LHX8: variants seen among roughly 807,000 people sequenced by gnomAD.
The protein encoded by LHX8 is LIM homeobox 8, also known as LIM/homeobox protein Lhx8.
LHX8 carries 12 observed loss-of-function variants against 40.3 expected under a neutral mutation model. The observed-to-expected ratio is 0.30, with a 90% CI of 0.19 to 0.48. The LOEUF (loss-of-function observed/expected upper bound fraction) is 0.48. Ranked by LOEUF, LHX8 falls within the 20% of genes least tolerant of loss-of-function variation. The pLI is 0.99. For synonymous variants in LHX8, 179 were observed against 162.0 expected, an observed-to-expected ratio of 1.10 and a Z score of -0.80; for missense variants, 344 against 433.7, an observed-to-expected ratio of 0.79 and a Z score of 1.84.
the LHX8 span, among the ~76,000 whole-genome samples, chr1:75,184,544 C>A: frequency 6.6e-6 from 1 of 152,026 alleles, no homozygotes; most frequent in African/African-American, 2.4e-5. Flanking sequence ...GAAATTAAGG[C>A]AGAAATCAAG....
downstream of LHX8, among the ~76,000 whole-genome samples, chr1:75,163,218 A>G (rs1463770909): frequency 6.6e-6 from 1 of 152,192 alleles, no homozygotes; most frequent in African/African-American, 2.4e-5. Flanking sequence ...TGAATATCCC[A>G]TAATAAACAT....
chr1:75,156,463 A>T (rs1648771004), intron 7 of LHX8, among the ~76,000 whole-genome samples: 1 of 152,026 alleles, frequency 6.6e-6, no homozygotes, highest in South Asian at 2.1e-4. Context: ...GCTGGTATTG[A>T]ACCCCTCACC....
At chr1:75,189,245 G>A in the LHX8 span, among the ~76,000 whole-genome samples, 8 of 152,142 alleles carry the variant, frequency 5.3e-5, no homozygotes, top group Non-Finnish European at 1.0e-4. Context: ...TGGGATAAAG[G>A]AAAATAAGAT....
chr1:75,136,228 TAGC>T (rs928218133), intron 1 of LHX8, among the ~76,000 whole-genome samples: 1 of 151,810 alleles, frequency 6.6e-6, no homozygotes, highest in African/African-American at 2.4e-5. Context: ...GCACCCCCTT[TAGC>T]CCGGTGTTCC....
the LHX8 span, among the ~76,000 whole-genome samples, chr1:75,194,107 CAA>C: frequency 2.6e-5 from 4 of 152,250 alleles, no homozygotes; most frequent in South Asian, 8.3e-4. Flanking sequence ...AAATATGAAA[CAA>C]ATAAAAAACA....
chr1:75,155,230 CTTTT>C (rs57009636), intron 7 of LHX8, among the ~76,000 whole-genome samples: 4 of 94,372 alleles, frequency 4.2e-5, no homozygotes, highest in East Asian at 7.5e-4. Context: ...GAAACACTCT[CTTTT>C]TTTTTTTTTT....
intron 7 of LHX8, among the ~76,000 whole-genome samples, chr1:75,152,826 ATAGT>A (rs1274672700): frequency 2.6e-5 from 4 of 152,198 alleles, no homozygotes; most frequent in African/African-American, 9.7e-5. Context: ...TTACAATTTA[ATAGT>A]TAGAAAAGAA....
upstream of LHX8, among the ~76,000 whole-genome samples, chr1:75,134,258 T>C (rs372190677): frequency 2.0e-3 from 304 of 152,146 alleles, no homozygotes; most frequent in African/African-American, 6.8e-3. Context: ...CGGGTTTTCC[T>C]GAAAGAGGCG....
At chr1:75,198,442 G>T in the LHX8 span, among the ~76,000 whole-genome samples, 1 of 152,162 alleles carries the variant, frequency 6.6e-6, no homozygotes, top group Non-Finnish European at 1.5e-5. Flanking sequence ...CTCAATAATG[G>T]ATATGATGCT....
downstream of LHX8, among the ~76,000 whole-genome samples, chr1:75,163,331 T>C (rs1210922398): frequency 6.6e-6 from 1 of 152,200 alleles, no homozygotes; most frequent in Non-Finnish European, 1.5e-5. Flanking sequence ...GTATAATTAC[T>C]CTACTAGCAT....
chr1:75,173,571 A>G, the LHX8 span, among the ~76,000 whole-genome samples: 17,346 of 151,020 alleles, frequency 0.11, 1,627 homozygotes, highest in African/African-American at 0.26. Flanking sequence ...TTTAGTAGAG[A>G]CGGGATTTCA....
At chr1:75,173,222 CAT>C in the LHX8 span, among the ~76,000 whole-genome samples, 2 of 152,056 alleles carry the variant, frequency 1.3e-5, no homozygotes, top group Non-Finnish European at 2.9e-5. Context: ...AGAGCTTACA[CAT>C]GTTAACTTTC....
chr1:75,163,247 C>T (rs1415430084), downstream of LHX8, among the ~76,000 whole-genome samples: 1 of 152,046 alleles, frequency 6.6e-6, no homozygotes, highest in Non-Finnish European at 1.5e-5. Context: ...AGAATCACAG[C>T]TCATGCTTTT....
intron 8 of LHX8, chr1:75,160,566 G>T: frequency 2.1e-6 from 1 of 484,206 alleles, no homozygotes; most frequent in Non-Finnish European, 3.7e-6. Flanking sequence ...TGCAGTGAAT[G>T]GGGTATGGAT....
chr1:75,162,646 T>C (rs1031599923), downstream of LHX8, among the ~76,000 whole-genome samples: 1 of 152,124 alleles, frequency 6.6e-6, no homozygotes, highest in East Asian at 1.9e-4. Flanking sequence ...TAAAACTTCC[T>C]AACAAAGAGG....
chr1:75,156,750 A>G (rs929416444), intron 7 of LHX8, 143 bp from the exon 8 acceptor site: 3 of 798,318 alleles, frequency 3.8e-6, no homozygotes, highest in African/African-American at 3.4e-5. Flanking sequence ...TGTCTATAGA[A>G]CTTTTATAAA....
intron 8 of LHX8, among the ~76,000 whole-genome samples, chr1:75,157,661 G>T (rs750995490): frequency 2.0e-5 from 3 of 151,952 alleles, no homozygotes; most frequent in Non-Finnish European, 2.9e-5. Flanking sequence ...CTTTAGTTTT[G>T]CCCTTTTTGA....
At chr1:75,156,754 T>C (rs1015947198) in intron 7 of LHX8, 139 bp from the exon 8 acceptor site, 3 of 826,262 alleles carry the variant, frequency 3.6e-6, no homozygotes, top group Non-Finnish European at 6.3e-6. Context: ...TATAGAACTT[T>C]TATAAAAGCT....
intron 7 of LHX8, among the ~76,000 whole-genome samples, chr1:75,150,508 A>G (rs951934020): frequency 2.0e-5 from 3 of 152,080 alleles, no homozygotes; most frequent in Admixed American, 1.3e-4. Context: ...TTCAGAGAGG[A>G]GAGCAGGGTA....
Sources: gnomAD v4.1 joint callset for allele counts (sites outside exome capture counted in the v4.1 genomes callset) on GRCh38, gnomAD v4.1.1 for gene constraint, MANE v1.5 for transcripts, NCBI Gene and HGNC (gene_info 2026-07-23, HGNC 2026-07-21) for gene names.